Variants in DNAH10 observed in about 807,000 individuals in gnomAD.
DNAH10 encodes dynein axonemal heavy chain 10.
In DNAH10, 348 loss-of-function variants were observed where a neutral mutation model predicts 506.6. That is an observed-to-expected ratio of 0.69 (90% CI 0.63 to 0.75). The LOEUF (loss-of-function observed/expected upper bound fraction) is 0.75, where lower values mean the gene tolerates loss of function less well. DNAH10 is among the 30% of genes least tolerant of loss of function. The pLI is 0.00. For synonymous variants in DNAH10, 2,059 were observed against 2,198.6 expected, an observed-to-expected ratio of 0.94 and a Z score of 1.78; for missense variants, 5,179 against 5,787.1, an observed-to-expected ratio of 0.89 and a Z score of 3.41.
intron 19 of DNAH10, among the ~76,000 whole-genome samples, chr12:123,810,270 C>T (rs971269755): frequency 6.6e-6 from 1 of 152,264 alleles, no homozygotes; most frequent in Admixed American, 6.5e-5. Context: ...CCCCAGCACA[C>T]TGGCATCTTC....
intron 29 of DNAH10, among the ~76,000 whole-genome samples, chr12:123,839,224 A>AC (rs201530075): frequency 2.0e-5 from 3 of 149,524 alleles, no homozygotes; most frequent in African/African-American, 7.7e-5. Context: ...CTAAAAAAAA[A>AC]AAAAAAACAA....
chr12:123,886,299 A>G (rs929322895), intron 51 of DNAH10, among the ~76,000 whole-genome samples: 1 of 152,110 alleles, frequency 6.6e-6, no homozygotes, highest in Non-Finnish European at 1.5e-5. Context: ...TCTGGGCCCT[A>G]GGAAGTGGCG....
chr12:123,833,255 C>G lies in DNAH10; in HGVS notation c.4687C>G (p.Gln1563Glu), dbSNP rs1252512057. 1 of 1,613,846 alleles carries G rather than the reference C, an allele frequency of 6.2e-7. No individual in the cohort carries two copies. Residue 1563 changes from glutamine (Q) to glutamate (E), a missense_variant, in exon 27 of 79, where the codon CAG (glutamine) becomes GAG (glutamate). Physicochemically the swap from Gln to Glu is conservative, Grantham distance 29. This residue lies in a region of DNAH10 where 4,844 missense variants were observed against 5,430.5 expected (regional missense o/e 0.89). Coordinates refer to ENST00000673944, the MANE Select transcript of DNAH10 (RefSeq NM_001372106.1). ...TCTTGATGACAACACTTTCAACCTG[C>G]AGAGCATCTCAGGAAGCAGATTTGT... is the stretch of plus-strand genomic sequence containing the variant. ...QSLDDNTFNL[Q>E]SISGSRFVGP...
In DNAH10 at chr12:123,894,703, C is replaced by T. The variant is rs545855479; in HGVS notation, c.9260C>T (p.Ala3087Val). 3.3e-5 allele frequency: 54 copies of T among 1,613,948 alleles called. No homozygotes were observed. The highest frequency in any genetic ancestry group is 1.7e-4 in the African/African-American group (13 of 75,050). Reference sequence around the variant, plus strand: ...CCCTGGCCTCCCCAAGCCCTCCATGCGGTCGCAAAGTCCTTTCTAGGTAAG... The same window carrying T: ...CCCTGGCCTCCCCAAGCCCTCCATGTGGTCGCAAAGTCCTTTCTAGGTAAG... ...FMPWPPQALHAVAKSFLGYNP... is the reference protein window; with the variant it reads ...FMPWPPQALHVVAKSFLGYNP... Residue 3087 changes from alanine to valine, a missense_variant, in exon 54 of 79, where the codon GCG becomes GTG. Physicochemically the swap from Ala to Val is moderately conservative, Grantham distance 64. Around this residue, in one of 3 missense-constraint regions of DNAH10, gnomAD observed 4,844 missense variants for 5,430.5 expected, o/e 0.89. Coordinates refer to ENST00000673944, the MANE Select transcript of DNAH10 (RefSeq NM_001372106.1).
Position 123,859,217 on chromosome 12 carries a change from C to T in DNAH10, c.6698C>T (p.Thr2233Ile). Residue 2233 changes from threonine to isoleucine, a missense_variant, in exon 38 of 79, where the codon ACC becomes ATC. By Grantham distance (89) the Thr-to-Ile change is moderately conservative. Coordinates refer to ENST00000673944, the MANE Select transcript of DNAH10 (RefSeq NM_001372106.1). ...TRHTTMVVGPTRGGKSVVINT... is the reference protein window; with the variant it reads ...TRHTTMVVGPIRGGKSVVINT... ...CACACGACGATGGTGGTGGGGCCCA[C>T]CAGAGGGGGCAAGTCCGTCGTCATT... 6.2e-7 allele frequency: 1 copy of T among 1,611,130 alleles called. No individual in the cohort carries two copies. Among genetic ancestry groups the T allele is most frequent in the Non-Finnish European group, 8.5e-7 (1 of 1,178,912 alleles).
rs182815755 is a variant in DNAH10 at position 123,832,751 on chromosome 12, C to T, written c.4546-363C>T. 6.6e-4 allele frequency among the ~76,000 whole-genome samples: 101 copies of T among 152,264 alleles called. No individual in the cohort carries two copies. The East Asian group carries it at 0.014, about 21-fold the overall frequency. ...ACAGGGGCAGAATCTCATAACTGTG[C>T]AGACTTCGGGGGCAGACTGTGGGGT... On this transcript the variant is annotated intron_variant, in intron 26 of 78. Transcript: ENST00000673944.
At chr12:123,920,516 G>A (rs1228937378) in intron 65 of DNAH10, among the ~76,000 whole-genome samples, 1 of 152,202 alleles carries the variant, frequency 6.6e-6, no homozygotes, top group East Asian at 1.9e-4. Flanking sequence ...GCTGGATTTG[G>A]CCCCTTGCTT....
chr12:123,828,928 C>T (rs1374411507), intron 25 of DNAH10, among the ~76,000 whole-genome samples: 4 of 152,162 alleles, frequency 2.6e-5, no homozygotes, highest in Non-Finnish European at 1.5e-5. Context: ...GAGGGAATCA[C>T]TCTCTCCCAG....
In DNAH10 at chr12:123,862,323, ATCCTCC is replaced by A. The variant is rs546405184; in HGVS notation, c.6908+1170_6908+1175del. 4.0e-3 allele frequency among the ~76,000 whole-genome samples: 599 copies of A among 150,936 alleles called. 4 individuals carry two copies. Among genetic ancestry groups the A allele is most frequent in the African/African-American group, 0.013 (552 of 41,134 alleles). The stretch of plus-strand genomic sequence containing the variant: ...TGTTGATGGTTACTTGAATCTGGTC[ATCCTCC>A]TCCTCCTCCTCCTCCTTCTCCTTCT... On this transcript the variant is annotated intron_variant, in intron 39 of 78. Coordinates refer to ENST00000673944, the MANE Select transcript of DNAH10 (RefSeq NM_001372106.1).
intron 7 of DNAH10, among the ~76,000 whole-genome samples, 195 bp downstream of exon 7, chr12:123,783,459 C>T (rs997232592): frequency 6.6e-6 from 1 of 152,194 alleles, no homozygotes; most frequent in African/African-American, 2.4e-5. Context: ...AGGTTACTGC[C>T]TGGATTGATA....
intron 46 of DNAH10, among the ~76,000 whole-genome samples, chr12:123,874,277 A>G (rs1030503174): frequency 1.3e-4 from 18 of 142,998 alleles, no homozygotes; most frequent in Admixed American, 5.5e-4. Flanking sequence ...CCATCCATCC[A>G]TCCATCCATC....
intron 65 of DNAH10, among the ~76,000 whole-genome samples, chr12:123,920,835 T>A (rs1954689840): frequency 6.6e-6 from 1 of 152,160 alleles, no homozygotes; most frequent in African/African-American, 2.4e-5. Flanking sequence ...AATGGCACAA[T>A]CACAGCTTAC....
chr12:123,893,581 T>G (rs763933775), intron 53 of DNAH10, 145 bp downstream of exon 53: 36 of 911,728 alleles, frequency 3.9e-5, no homozygotes, highest in Non-Finnish European at 6.0e-5. Flanking sequence ...GCACTGTAGC[T>G]TGGGGCTCAC....
Position 123,776,656 on chromosome 12 carries a change from A to C in DNAH10, c.621+2392A>C, listed in dbSNP as rs536406287. Among the ~76,000 whole-genome samples the C allele has an allele frequency of 8.4e-4, 128 of 152,138 alleles. 1 individual carries two copies. Among genetic ancestry groups the C allele is most frequent in the African/African-American group, 2.9e-3 (121 of 41,514 alleles). ...ATCTCTAAAAAAAAAAAAAAGAAAA[A>C]TAAATTAAGATAACATCAAAACATG... is the stretch of plus-strand genomic sequence containing the variant. On this transcript the variant is annotated intron_variant, in intron 5 of 78. Transcript: ENST00000673944.
At position 123,926,339 on chromosome 12, in the gene DNAH10, GT is replaced by G. The variant is rs1235326252; in HGVS notation, c.11922-294del. 7.9e-6 allele frequency: 3 copies of G among 378,368 alleles called. No homozygotes were observed. Among genetic ancestry groups the G allele is most frequent in the Non-Finnish European group, 9.3e-6 (2 of 215,814 alleles). 23.4% of individuals were successfully genotyped at this position (378,368 alleles called of 1,614,324 possible). A position where few individuals can be genotyped will look rare whatever the true frequency, so the allele number is the denominator to read the frequency against. On this transcript the variant is annotated intron_variant, in intron 68 of 78. Coordinates refer to ENST00000673944, the MANE Select transcript of DNAH10 (RefSeq NM_001372106.1). The surrounding 1 kb of genome is among the most constrained non-coding windows in gnomAD (Gnocchi z 4.1). ...CAGGACACGCCTGTGGAACCTCAGG[GT>G]TTTGTGCCATGGGCAGGCCCACCTA...
At chr12:123,767,572 T>C in intron 1 of DNAH10, 34 bp from the exon 2 acceptor site, 1 of 1,587,022 alleles carries the variant, frequency 6.3e-7, no homozygotes, top group Non-Finnish European at 8.6e-7. Flanking sequence ...ACAATTACGT[T>C]TAATATTTTC....
rs992987239 is a variant in DNAH10, at chr12:123,931,262, T to G, written c.12785-79T>G. The G allele has an allele frequency of 3.2e-6, 5 of 1,572,430 alleles. No homozygotes were observed. In the East Asian group the frequency reaches 6.8e-5, roughly 21 times the overall value. On this transcript the variant is annotated intron_variant, in intron 73 of 78. Transcript: ENST00000673944. ...CAGTGGAAATTAGTCTTGCATGTCT[T>G]GGAGACTTTGAGGCTGTGGGCCCTG...
Position 123,850,637 on chromosome 12 carries a change from G to C in DNAH10, c.6103-251G>C, listed in dbSNP as rs1951119819. ...CCAGACTCTGTGCTTCGCCAACCTGGGCCCCTTCTCCAAGGTAGTGCCCTG... is the reference window on the plus strand; with the variant it reads ...CCAGACTCTGTGCTTCGCCAACCTGCGCCCCTTCTCCAAGGTAGTGCCCTG... On this transcript the variant is annotated intron_variant, in intron 34 of 78. Transcript: ENST00000673944. This position sits in a 1 kb window ranked among gnomAD's most constrained non-coding sequence, Gnocchi z 5.5. Among the ~76,000 whole-genome samples, 1 of 152,210 alleles carries C rather than the reference G, an allele frequency of 6.6e-6. No homozygotes were observed. The highest frequency in any genetic ancestry group is 1.5e-5 in the Non-Finnish European group (1 of 68,036).
chr12:123,767,096 C>G (rs917086593), intron 1 of DNAH10, among the ~76,000 whole-genome samples: 1 of 151,782 alleles, frequency 6.6e-6, no homozygotes, highest in Non-Finnish European at 1.5e-5. Context: ...TTAATAGAGA[C>G]GAGGTTTCAC....
Sources: gnomAD v4.1 joint callset for allele counts (sites outside exome capture counted in the v4.1 genomes callset) on GRCh38, gnomAD v4.1.1 for gene constraint, gnomAD v4.1.1 regional missense constraint, Gnocchi (gnomAD v3.1) non-coding constraint, MANE v1.5 for transcripts, NCBI Gene and HGNC (gene_info 2026-07-23, HGNC 2026-07-21) for gene names.